MTUS2: variants seen among roughly 807,000 people sequenced by gnomAD.
The protein encoded by MTUS2 is microtubule-associated tumor suppressor candidate 2.
MTUS2 carries 40 observed loss-of-function variants against 114.1 expected under a neutral mutation model. The observed-to-expected ratio is 0.35, with a 90% CI of 0.27 to 0.46. MTUS2 has a LOEUF of 0.46. Ranked by LOEUF, MTUS2 falls within the 20% of genes least tolerant of loss-of-function variation. The pLI is 1.00. For missense variants in MTUS2, 1,679 were observed against 1,705.4 expected, an observed-to-expected ratio of 0.98 and a Z score of 0.27; for synonymous variants, 688 against 672.0, an observed-to-expected ratio of 1.02 and a Z score of -0.37.
intron 4 of MTUS2, among the ~76,000 whole-genome samples, chr13:29,076,348 C>T (rs1889191812): frequency 6.6e-6 from 1 of 152,178 alleles, no homozygotes; most frequent in African/African-American, 2.4e-5. Flanking sequence ...TTATATGTTG[C>T]TAAATAACAA....
Position 29,504,806 on chromosome 13 carries a change from G to A in MTUS2, c.*1600G>A, listed in dbSNP as rs1039466895. 16 of 233,120 alleles carry A rather than the reference G, an allele frequency of 6.9e-5. No individual in the cohort carries two copies. In the Middle Eastern group the frequency reaches 3.8e-3, roughly 56 times the overall value. 14.4% of individuals were successfully genotyped at this position (233,120 alleles called of 1,614,324 possible). Reference sequence around the variant, plus strand: ...TTGTCCTGAGCACAGGCCTGTCTTTGAGCGTGCCCAAGGCGAGAAGAACCA... The same window carrying A: ...TTGTCCTGAGCACAGGCCTGTCTTTAAGCGTGCCCAAGGCGAGAAGAACCA... On this transcript the variant is annotated 3_prime_UTR_variant, in exon 16 of 16. Transcript: ENST00000612955.
At chr13:29,450,008 C>T (rs1419564770) in intron 9 of MTUS2, among the ~76,000 whole-genome samples, 1 of 152,206 alleles carries the variant, frequency 6.6e-6, no homozygotes, top group Non-Finnish European at 1.5e-5. Context: ...TGTCCTATGA[C>T]CGCAAGGTGG....
intron 2 of MTUS2, among the ~76,000 whole-genome samples, chr13:28,936,036 C>T (rs1010595359): frequency 6.6e-6 from 1 of 152,132 alleles, no homozygotes. Flanking sequence ...TGTGAGCCAC[C>T]AGGCCTGGCC....
At chr13:29,250,344 C>CATCTTA (rs1193674709) in intron 5 of MTUS2, 2 of 152,058 alleles carry the variant, frequency 1.3e-5, no homozygotes, top group Non-Finnish European at 2.9e-5. Flanking sequence ...TCAGTATCAG[C>CATCTTA]ATGCCATCTT....
At chr13:29,482,636 C>G (rs1008881778) in intron 10 of MTUS2, among the ~76,000 whole-genome samples, 1 of 152,178 alleles carries the variant, frequency 6.6e-6, no homozygotes, top group Non-Finnish European at 1.5e-5. Flanking sequence ...TGTGGGCTTG[C>G]TTATCTATCC....
At chr13:29,482,607 G>T (rs1881278287) in intron 10 of MTUS2, among the ~76,000 whole-genome samples, 1 of 152,224 alleles carries the variant, frequency 6.6e-6, no homozygotes, top group Non-Finnish European at 1.5e-5. Flanking sequence ...TACTGCAAGA[G>T]ATACTAAGAT....
intron 6 of MTUS2, among the ~76,000 whole-genome samples, chr13:29,321,842 A>T (rs1160903215): frequency 6.6e-6 from 1 of 152,208 alleles, no homozygotes; most frequent in South Asian, 2.1e-4. Flanking sequence ...TTCTAAGCAT[A>T]ATACATATGA....
chr13:29,127,907 G>C (rs77627058), intron 5 of MTUS2, among the ~76,000 whole-genome samples: 2,975 of 152,290 alleles, frequency 0.02, 107 homozygotes, highest in African/African-American at 0.068. Context: ...TGGGGGTATG[G>C]CACATACCTC....
chr13:29,440,847 C>A (rs117567980), intron 9 of MTUS2, among the ~76,000 whole-genome samples: 197 of 152,218 alleles, frequency 1.3e-3, no homozygotes, highest in Non-Finnish European at 2.4e-3. Context: ...TCCCAGGTGT[C>A]CTTGGCAAGT....
intron 7 of MTUS2, among the ~76,000 whole-genome samples, chr13:29,340,520 C>A (rs1445011859): frequency 1.3e-5 from 2 of 151,976 alleles, no homozygotes; most frequent in East Asian, 3.9e-4. Context: ...AAAATGGAGT[C>A]ATCAGGTTTT....
At chr13:29,107,713 T>C (rs1318269728) in intron 5 of MTUS2, among the ~76,000 whole-genome samples, 2 of 152,280 alleles carry the variant, frequency 1.3e-5, no homozygotes, top group South Asian at 2.1e-4. Context: ...TTTTAAAGAA[T>C]TGGGCTAAAA....
intron 6 of MTUS2, among the ~76,000 whole-genome samples, chr13:29,304,175 A>G (rs966836088): frequency 1.3e-5 from 2 of 152,176 alleles, no homozygotes; most frequent in South Asian, 4.1e-4. Context: ...ACCAGCCACT[A>G]TGAAAACACA....
chr13:29,191,400 T>G (rs559670069), intron 5 of MTUS2, among the ~76,000 whole-genome samples: 7 of 151,982 alleles, frequency 4.6e-5, no homozygotes, highest in Non-Finnish European at 8.8e-5. Context: ...AGTTGTGCAG[T>G]CAGACAGGCA....
At chr13:29,034,223 C>G in intron 4 of MTUS2, 98 bp downstream of exon 4, 4 of 1,502,000 alleles carry the variant, frequency 2.7e-6, no homozygotes, top group Non-Finnish European at 3.6e-6. Flanking sequence ...GCCTTTCATC[C>G]TTTAAGGAGA....
intron 4 of MTUS2, among the ~76,000 whole-genome samples, chr13:29,091,735 A>T (rs1889961068): frequency 6.6e-6 from 1 of 152,236 alleles, no homozygotes; most frequent in Non-Finnish European, 1.5e-5. Context: ...AGCTTAAGAA[A>T]GCCCTACCCC....
intron 4 of MTUS2, among the ~76,000 whole-genome samples, chr13:29,094,404 T>G (rs1328550280): frequency 6.6e-6 from 1 of 152,080 alleles, no homozygotes; most frequent in Non-Finnish European, 1.5e-5. Context: ...CTATTTCTTC[T>G]TGATTCAGCT....
At chr13:29,250,211 A>G (rs1425188657) in intron 5 of MTUS2, among the ~76,000 whole-genome samples, 1 of 152,140 alleles carries the variant, frequency 6.6e-6, no homozygotes, top group Non-Finnish European at 1.5e-5. Flanking sequence ...GTTCAAGTTG[A>G]AATATTTTGA....
intron 5 of MTUS2, among the ~76,000 whole-genome samples, chr13:29,122,800 T>G (rs1891365218): frequency 6.6e-6 from 1 of 152,190 alleles, no homozygotes; most frequent in Admixed American, 6.5e-5. Flanking sequence ...ATGGTGCTAC[T>G]TTATTTAAAT....
chr13:29,359,367 G>A lies in MTUS2; in HGVS notation c.3011G>A (p.Arg1004Gln), dbSNP rs376033352. The A allele has an allele frequency of 1.6e-5, 25 of 1,612,902 alleles. No individual in the cohort carries two copies. Among genetic ancestry groups the A allele is most frequent in the East Asian group, 2.2e-5 (1 of 44,846 alleles). Residue 1004 changes from arginine (R) to glutamine (Q), a missense_variant, in exon 8 of 16, where the codon CGG (arginine) becomes CAG (glutamine). Around this residue, in one of 3 missense-constraint regions of MTUS2, gnomAD observed 822 missense variants for 899.7 expected, o/e 0.91. Coordinates refer to ENST00000612955, the MANE Select transcript of MTUS2 (RefSeq NM_001033602.4). ...ERQLVLRLKE[R>Q]CEQQTRQLGV... Reference sequence around the variant, plus strand: ...CAGCTGGTGCTGCGGCTGAAGGAGCGGTGTGAGCAGCAGACCAGACAGCTG... The same window carrying A: ...CAGCTGGTGCTGCGGCTGAAGGAGCAGTGTGAGCAGCAGACCAGACAGCTG...
Sources: allele counts gnomAD v4.1 joint callset (sites outside exome capture counted in the v4.1 genomes callset), GRCh38; gene constraint gnomAD v4.1.1; regional missense constraint gnomAD v4.1.1; transcripts MANE v1.5; gene names NCBI Gene and HGNC (gene_info 2026-07-23, HGNC 2026-07-21).